Variants in PCK2 observed in about 807,000 individuals in gnomAD.
PCK2 encodes phosphoenolpyruvate carboxykinase [GTP], mitochondrial.
A neutral mutation model predicts 65.9 loss-of-function variants in PCK2; 56 were observed. That is an observed-to-expected ratio of 0.85 (90% CI 0.69 to 1.06). PCK2 has a LOEUF of 1.06. Among genes scored for constraint, PCK2 ranks in the 50% least tolerant of loss-of-function variants. The pLI is 0.00. For missense variants in PCK2, 843 were observed against 863.1 expected (o/e 0.98, Z 0.29); for synonymous variants, 305 against 319.6 (o/e 0.95, Z 0.49).
At chr14:24,095,617 A>C (rs2036836370) in intron 1 of PCK2, among the ~76,000 whole-genome samples, 1 of 151,920 alleles carries the variant, frequency 6.6e-6, no homozygotes, top group African/African-American at 2.4e-5. Context: ...GAGCCAGGGG[A>C]AGCACGGGGT....
At chr14:24,099,855 C>A in intron 6 of PCK2, 135 bp downstream of exon 6, 1 of 1,554,368 alleles carries the variant, frequency 6.4e-7, no homozygotes, top group Non-Finnish European at 8.9e-7. Flanking sequence ...CTCTGGCAGC[C>A]CAGCCACCCG....
chr14:24,102,689 T>G, intron 7 of PCK2, 64 bp from the exon 8 acceptor site: 2 of 1,375,058 alleles, frequency 1.5e-6, no homozygotes, highest in Non-Finnish European at 2.0e-6. Context: ...TGTGTGCCCA[T>G]GTATGTGTGT....
rs2036766611 is a variant in PCK2 at position 24,094,514 on chromosome 14, C to T, written c.29+80C>T. 6.9e-7 allele frequency: 1 copy of T among 1,456,408 alleles called. No homozygotes were observed. Among genetic ancestry groups the T allele is most frequent in the East Asian group, 2.5e-5 (1 of 39,618 alleles). 90.2% of individuals were successfully genotyped at this position (1,456,408 alleles called of 1,614,324 possible). ...CGGGGCTGCCAGTGGCGCTCTCCTG[C>T]TCTCAGCCTCCGCCAGGTTTCCCAT... On this transcript the variant is annotated intron_variant, in intron 1 of 9. Coordinates refer to ENST00000216780, the MANE Select transcript of PCK2 (RefSeq NM_004563.4). The surrounding 1 kb of genome is among the most constrained non-coding windows in gnomAD (Gnocchi z 4.1).
At chr14:24,101,124 C>T (rs1013296388) in intron 7 of PCK2, among the ~76,000 whole-genome samples, 1 of 152,176 alleles carries the variant, frequency 6.6e-6, no homozygotes, top group African/African-American at 2.4e-5. Context: ...ATTAAGCCCC[C>T]CTCAGCCTTC....
At position 24,099,066 on chromosome 14, in the gene PCK2, T is replaced by C; in HGVS notation, c.682T>C (p.Trp228Arg). 1 of 1,603,522 alleles carries C rather than the reference T, an allele frequency of 6.2e-7. No individual in the cohort carries two copies. Among genetic ancestry groups the C allele is most frequent in the South Asian group, 1.1e-5 (1 of 90,896 alleles). ...LTGQGEPVSQ[W>R]PCNPEKTLIG... ...GTCCCCAGGGGAGCCAGTGAGCCAG[T>C]GGCCGTGCAACCCAGAGAAAACCCT... Residue 228 changes from tryptophan to arginine, a missense_variant, in exon 5 of 10, where the codon TGG (tryptophan) becomes CGG (arginine). Coordinates refer to ENST00000216780, the MANE Select transcript of PCK2 (RefSeq NM_004563.4).
intron 1 of PCK2, 54 bp from the exon 2 acceptor site, chr14:24,096,838 C>T (rs2036906480): frequency 2.6e-6 from 4 of 1,541,000 alleles, no homozygotes; most frequent in Non-Finnish European, 3.5e-6. Flanking sequence ...CCACCACCTG[C>T]CTTGTCCACT....
chr14:24,099,282 G>A (rs753577973), intron 5 of PCK2, 46 bp downstream of exon 5: 4 of 1,545,678 alleles, frequency 2.6e-6, no homozygotes, highest in Non-Finnish European at 3.5e-6. Flanking sequence ...GACAGGGCAG[G>A]GGTGGGGCCT....
chr14:24,103,149 T>G lies in PCK2; in HGVS notation c.1373-11T>G. The stretch of plus-strand genomic sequence containing the variant: ...AAGGGCTGCCTGTGACTCTGTTCAT[T>G]GGTGATCTAGGGGTACCCCTGGTAT... On this transcript the variant is annotated splice_polypyrimidine_tract_variant and intron_variant, in intron 8 of 9. Transcript: ENST00000216780. 2 of 1,606,552 alleles carry G rather than the reference T, an allele frequency of 1.2e-6. No individual in the cohort carries two copies. The highest frequency in any genetic ancestry group is 1.7e-6 in the Non-Finnish European group (2 of 1,173,174).
intron 2 of PCK2, among the ~76,000 whole-genome samples, chr14:24,097,380 G>A (rs1332547054): frequency 6.9e-5 from 10 of 143,948 alleles, no homozygotes; most frequent in Non-Finnish European, 1.1e-4. Flanking sequence ...GAGAAACCCC[G>A]TCTCTACTGA....
chr14:24,094,286 T>G, upstream of PCK2: 2 of 1,013,266 alleles, frequency 2.0e-6, no homozygotes, highest in East Asian at 2.8e-5. The surrounding 1 kb of genome is among the most constrained non-coding windows in gnomAD (Gnocchi z 4.1). Flanking sequence ...CCCTCCTTTT[T>G]AAGCGCCTCC....
At chr14:24,096,441 T>C (rs1229966220) in intron 1 of PCK2, among the ~76,000 whole-genome samples, 1 of 152,068 alleles carries the variant, frequency 6.6e-6, no homozygotes, top group South Asian at 2.1e-4. Flanking sequence ...TTCACCATGT[T>C]GCCCAGTATG....
rs368654746 is a variant in PCK2, at chr14:24,098,327, T to C, written c.400T>C (p.Trp134Arg). 6.2e-7 allele frequency: 1 copy of C among 1,614,060 alleles called. No homozygotes were observed. Among genetic ancestry groups the C allele is most frequent in the Non-Finnish European group, 8.5e-7 (1 of 1,179,960 alleles). Residue 134 changes from tryptophan (W) to arginine (R), a missense_variant, in exon 3 of 10, where the codon TGG (tryptophan) becomes CGG (arginine). By Grantham distance (101) the Trp-to-Arg change is moderately radical. Transcript: ENST00000216780. ...PGGARGQLGN[W>R]MSPADFQRAV... ...TGGGGCCCGTGGGCAGCTGGGCAAC[T>C]GGATGTCCCCAGCTGATTTCCAGCG...
rs149521304 is a variant in PCK2, at chr14:24,103,699, G to C, written c.1658G>C (p.Arg553Pro). The C allele has an allele frequency of 1.2e-6, 2 of 1,614,186 alleles. No homozygotes were observed. Among genetic ancestry groups the C allele is most frequent in the East Asian group, 2.2e-5 (1 of 44,872 alleles). Residue 553 changes from arginine (R) to proline (P), a missense_variant, in exon 10 of 10, where the codon CGG becomes CCG. Coordinates refer to ENST00000216780, the MANE Select transcript of PCK2 (RefSeq NM_004563.4). Reference protein sequence around the residue: ...FLWPGFGENARVLDWICRRLE... With the variant: ...FLWPGFGENAPVLDWICRRLE... ...TGGCCAGGCTTTGGGGAGAATGCTC[G>C]GGTGCTAGACTGGATCTGCCGGCGG...
At position 24,097,270 on chromosome 14, in the gene PCK2, G is replaced by A. The variant is rs2036928725; in HGVS notation, c.275+133G>A. 8.5e-6 allele frequency: 7 copies of A among 827,376 alleles called. No individual in the cohort carries two copies. In the South Asian group the frequency reaches 1.2e-4, roughly 14 times the overall value. The allele number at this position is 827,376 out of a possible 1,614,324, so 51.3% of individuals were successfully genotyped here. On this transcript the variant is annotated intron_variant, in intron 2 of 9. Coordinates refer to ENST00000216780, the MANE Select transcript of PCK2 (RefSeq NM_004563.4). ...GAGAGCTTTGGGGTAAACAGACCCAGAAACTGGGATTTGCTTACGCCTATA... is the reference window on the plus strand; with the variant it reads ...GAGAGCTTTGGGGTAAACAGACCCAAAAACTGGGATTTGCTTACGCCTATA...
chr14:24,097,024 G>A lies in PCK2; in HGVS notation c.162G>A (p.Leu54=), dbSNP rs1315444333. 4 of 1,613,246 alleles carry A rather than the reference G, an allele frequency of 2.5e-6. No individual in the cohort carries two copies. In the South Asian group the frequency reaches 4.4e-5, roughly 18 times the overall value. ...IRDFVEHSAR[L]CQPEGIHICD... ...ATTTTGTAGAGCACAGTGCCCGCCTGTGCCAACCAGAGGGCATCCACATCT... is the reference window on the plus strand; with the variant it reads ...ATTTTGTAGAGCACAGTGCCCGCCTATGCCAACCAGAGGGCATCCACATCT... The change falls in exon 2 of 10, where the codon CTG becomes CTA. Residue 54 remains leucine (L), a synonymous_variant. Transcript: ENST00000216780.
chr14:24,099,199 T>C lies in PCK2; in HGVS notation c.815T>C (p.Leu272Pro). The C allele has an allele frequency of 6.2e-7, 1 of 1,602,462 alleles. No homozygotes were observed. The highest frequency in any genetic ancestry group is 8.5e-7 in the Non-Finnish European group (1 of 1,177,376). ...KCFALRIASR[L>P]ARDEGWLAEH... ...TTTGCCCTACGCATCGCCTCTCGGCTGGCCCGGGATGAGGGCTGGCTGGCA... is the reference window on the plus strand; with the variant it reads ...TTTGCCCTACGCATCGCCTCTCGGCCGGCCCGGGATGAGGGCTGGCTGGCA... Residue 272 changes from leucine (L) to proline (P), a missense_variant, in exon 5 of 10, where the codon CTG (leucine) becomes CCG (proline). Coordinates refer to ENST00000216780, the MANE Select transcript of PCK2 (RefSeq NM_004563.4).
At chr14:24,103,407 T>G in intron 9 of PCK2, 103 bp from the exon 10 acceptor site, 1 of 1,222,644 alleles carries the variant, frequency 8.2e-7, no homozygotes, top group Non-Finnish European at 1.2e-6. Context: ...CTGAAGATAT[T>G]CAGAACCATA....
In PCK2 at chr14:24,099,601, C is replaced by T. The variant is rs150284360; in HGVS notation, c.896C>T (p.Ala299Val). ...TSPAGKKRYV[A>V]AAFPSACGKT... ...CCTGCAGGGAAGAAGCGCTATGTGG[C>T]AGCCGCCTTCCCTAGTGCCTGTGGC... The change falls in exon 6 of 10, where the codon GCA becomes GTA. Residue 299 changes from alanine to valine, a missense_variant. Transcript: ENST00000216780. The T allele has an allele frequency of 1.6e-5, 26 of 1,611,784 alleles. No individual in the cohort carries two copies. The highest frequency in any genetic ancestry group is 3.3e-5 in the Admixed American group (2 of 59,898).
chr14:24,094,877 C>A lies in PCK2; in HGVS notation c.29+443C>A. On this transcript the variant is annotated intron_variant, in intron 1 of 9. Transcript: ENST00000216780. This position sits in a 1 kb window ranked among gnomAD's most constrained non-coding sequence, Gnocchi z 4.1. ...GAGCCCCGGGAGACTAAGCTCAGAG[C>A]CCCCTAAAGAAGGTGGAAGGTTAAA... 1 of 1,277,338 alleles carries A rather than the reference C, an allele frequency of 7.8e-7. No individual in the cohort carries two copies. The highest frequency in any genetic ancestry group is 1.0e-6 in the Non-Finnish European group (1 of 975,496). The allele number at this position is 1,277,338 out of a possible 1,614,324, so 79.1% of individuals were successfully genotyped here.
Sources: allele counts gnomAD v4.1 joint callset (sites outside exome capture counted in the v4.1 genomes callset), GRCh38; gene constraint gnomAD v4.1.1; non-coding constraint Gnocchi (gnomAD v3.1); transcripts MANE v1.5; gene names NCBI Gene and HGNC (gene_info 2026-07-23, HGNC 2026-07-21).